The following PKNOX2 variants were observed in gnomAD, a reference collection of about 807,000 sequenced individuals.
PKNOX2 encodes the protein PBX/knotted 1 homeobox 2.
PKNOX2 carries 14 observed loss-of-function variants against 53.1 expected under a neutral mutation model. The ratio of observed to expected loss-of-function variants is 0.26; its 90% CI spans 0.17 to 0.41. PKNOX2 has a LOEUF of 0.41. PKNOX2 is among the 10% of genes least tolerant of loss of function. The pLI is 1.00. For synonymous variants in PKNOX2, 257 were observed against 242.8 expected (o/e 1.06, Z -0.54); for missense variants, 496 against 602.8 (o/e 0.82, Z 1.85).
intron 1 of PKNOX2, among the ~76,000 whole-genome samples, chr11:125,171,922 G>A (rs10893337): frequency 0.21 from 32,625 of 152,170 alleles, 4,157 homozygotes; most frequent in Non-Finnish European, 0.29. Flanking sequence ...TGGACAGAGA[G>A]GTGACGTGGA....
rs1941680152 is a variant in PKNOX2, at chr11:125,226,240, G to A, written c.-200-8805G>A. On this transcript the variant is annotated intron_variant, in intron 1 of 12. Transcript: ENST00000298282. ...ATTGGTGTCTGGTCCAAGATTTCTTGGAATTTTAGGACTTTATGGCTGAAT... is the reference window on the plus strand; with the variant it reads ...ATTGGTGTCTGGTCCAAGATTTCTTAGAATTTTAGGACTTTATGGCTGAAT... 2.6e-5 allele frequency among the ~76,000 whole-genome samples: 4 copies of A among 152,262 alleles called. No individual in the cohort carries two copies. The South Asian group carries it at 8.3e-4, about 32-fold the overall frequency.
At chr11:125,416,100 G>A (rs1297925233) in intron 10 of PKNOX2, among the ~76,000 whole-genome samples, 2 of 151,612 alleles carry the variant, frequency 1.3e-5, no homozygotes, top group Admixed American at 6.6e-5. Context: ...TCAGGAGATC[G>A]AGACCATCCC....
intron 2 of PKNOX2, among the ~76,000 whole-genome samples, chr11:125,317,464 A>AAAGT (rs1282968027): frequency 1.3e-5 from 2 of 152,260 alleles, no homozygotes; most frequent in Non-Finnish European, 2.9e-5. Context: ...ATGAAAGTCA[A>AAAGT]AAGTATTCCT....
chr11:125,192,736 T>C (rs630206), intron 1 of PKNOX2, among the ~76,000 whole-genome samples: 95,200 of 152,058 alleles, frequency 0.63, 30,048 homozygotes, highest in Non-Finnish European at 0.68. Flanking sequence ...TCTGCCTTGT[T>C]CCCCAAGTCT....
intron 7 of PKNOX2, among the ~76,000 whole-genome samples, chr11:125,404,651 C>T (rs1225084968): frequency 3.3e-5 from 5 of 152,074 alleles, no homozygotes; most frequent in Admixed American, 3.3e-4. Flanking sequence ...CACACACCAC[C>T]ACACACAGGA....
rs534448203 is a variant in PKNOX2 at position 125,315,303 on chromosome 11, GAAAA to G, written c.-129-16494_-129-16491del. Among the ~76,000 whole-genome samples the G allele has an allele frequency of 1.7e-3, 133 of 79,438 alleles. 1 individual carries two copies. Among genetic ancestry groups the G allele is most frequent in the African/African-American group, 4.6e-3 (118 of 25,712 alleles). 52.1% of individuals were successfully genotyped at this position (79,438 alleles called of 152,430 possible). ...ATTCACTTTACTGTTTGTGAAGCAGGAAAAAAAAAAAAAAAAAAAAAAAAACACC... is the reference window on the plus strand; with the variant it reads ...ATTCACTTTACTGTTTGTGAAGCAGGAAAAAAAAAAAAAAAAAAAAACACC... On this transcript the variant is annotated intron_variant, in intron 2 of 12. Coordinates refer to ENST00000298282, the MANE Select transcript of PKNOX2 (RefSeq NM_001382323.2).
chr11:125,431,063 G>T, intron 12 of PKNOX2, 103 bp from the exon 13 acceptor site: 1 of 1,478,206 alleles, frequency 6.8e-7, no homozygotes, highest in Non-Finnish European at 9.0e-7. Context: ...AAAACAAGGA[G>T]TTCACTGCTC....
chr11:125,250,376 C>T (rs929063761), intron 2 of PKNOX2, among the ~76,000 whole-genome samples: 3 of 152,194 alleles, frequency 2.0e-5, no homozygotes, highest in Non-Finnish European at 4.4e-5. Flanking sequence ...GTACTCATTA[C>T]CCAGCTTCAG....
intron 2 of PKNOX2, among the ~76,000 whole-genome samples, chr11:125,329,631 A>G (rs1022652406): frequency 6.6e-6 from 1 of 152,246 alleles, no homozygotes; most frequent in Non-Finnish European, 1.5e-5. Flanking sequence ...TTGGAAGCAC[A>G]GAGGAGGAAA....
chr11:125,348,089 G>T (rs914428403), intron 3 of PKNOX2, among the ~76,000 whole-genome samples: 1 of 152,144 alleles, frequency 6.6e-6, no homozygotes, highest in Non-Finnish European at 1.5e-5. Context: ...AAAAGGGCAG[G>T]CTTCCCCCAA....
In PKNOX2 at chr11:125,383,271, C is replaced by T. The variant is rs939085555; in HGVS notation, c.228-2280C>T. On this transcript the variant is annotated intron_variant, in intron 5 of 12. Transcript: ENST00000298282. ...ATATTCAGTCCTTCTCTGTGTGCTC[C>T]GTCACGGTGTGCTGGAGGGGAGACC... is the stretch of plus-strand genomic sequence containing the variant. 7.9e-5 allele frequency among the ~76,000 whole-genome samples: 12 copies of T among 152,102 alleles called. No individual in the cohort carries two copies. The South Asian group carries it at 8.3e-4, about 11-fold the overall frequency.
intron 10 of PKNOX2, among the ~76,000 whole-genome samples, chr11:125,413,274 C>A (rs967304478): frequency 5.3e-5 from 8 of 152,232 alleles, no homozygotes; most frequent in African/African-American, 1.9e-4. Flanking sequence ...AGGCCAGAGG[C>A]CCCGCAGCAG....
chr11:125,269,619 G>A (rs1050559071), intron 2 of PKNOX2, among the ~76,000 whole-genome samples: 35 of 152,290 alleles, frequency 2.3e-4, no homozygotes, highest in Admixed American at 1.9e-3. Flanking sequence ...GTGTGCTTTT[G>A]GTTGATGGAT....
intron 2 of PKNOX2, among the ~76,000 whole-genome samples, chr11:125,312,513 A>C (rs1948872946): frequency 6.6e-6 from 1 of 152,196 alleles, no homozygotes; most frequent in African/African-American, 2.4e-5. Flanking sequence ...CTGTGAGGTG[A>C]ATCAGGAATA....
intron 3 of PKNOX2, among the ~76,000 whole-genome samples, chr11:125,341,359 C>CA (rs375652054): frequency 0.055 from 5,663 of 102,840 alleles, 140 homozygotes; most frequent in East Asian, 0.16. Flanking sequence ...GATTCCGTCT[C>CA]AAAAAAAAAA....
chr11:125,429,038 G>A lies in PKNOX2; in HGVS notation c.963G>A (p.Lys321=). ...LMHPYPTEDE[K]RQIAAQTNLT... ...ACCCCTACCCCACGGAGGATGAGAA[G>A]AGGCAGATCGCAGCCCAGACCAACC... The change falls in exon 11 of 13, where the codon AAG becomes AAA. Residue 321 remains lysine (K), a synonymous_variant. Coordinates refer to ENST00000298282, the MANE Select transcript of PKNOX2 (RefSeq NM_001382323.2). 3 of 1,613,964 alleles carry A rather than the reference G, an allele frequency of 1.9e-6. No individual in the cohort carries two copies. Among genetic ancestry groups the A allele is most frequent in the Non-Finnish European group, 1.7e-6 (2 of 1,179,808 alleles).
At chr11:125,243,808 G>A (rs1212586311) in intron 2 of PKNOX2, among the ~76,000 whole-genome samples, 1 of 152,070 alleles carries the variant, frequency 6.6e-6, no homozygotes, top group Non-Finnish European at 1.5e-5. Context: ...ATTTTTAGTA[G>A]AGACGGGGTT....
At chr11:125,237,509 G>T (rs1942806231) in intron 2 of PKNOX2, among the ~76,000 whole-genome samples, 2 of 152,216 alleles carry the variant, frequency 1.3e-5, no homozygotes, top group African/African-American at 4.8e-5. Flanking sequence ...CAAGTTAGTG[G>T]TCTGGCACAG....
chr11:125,399,478 TAGG>T (rs1286151916), intron 7 of PKNOX2, among the ~76,000 whole-genome samples: 4 of 152,306 alleles, frequency 2.6e-5, no homozygotes, highest in Middle Eastern at 3.4e-3. Context: ...AGATGCAAGA[TAGG>T]AGCTGAGGAG....
Sources: allele counts gnomAD v4.1 joint callset (sites outside exome capture counted in the v4.1 genomes callset), GRCh38; gene constraint gnomAD v4.1.1; transcripts MANE v1.5; gene names NCBI Gene and HGNC (gene_info 2026-07-23, HGNC 2026-07-21).